Variants in FYN observed in about 807,000 individuals in gnomAD.
The protein encoded by FYN is FYN proto-oncogene, Src family tyrosine kinase, also known as tyrosine-protein kinase Fyn.
FYN carries 10 observed loss-of-function variants against 70.2 expected under a neutral mutation model. That is an observed-to-expected ratio of 0.14 (90% CI 0.09 to 0.24). The LOEUF (loss-of-function observed/expected upper bound fraction) is 0.24. FYN is among the 10% of genes least tolerant of loss of function. FYN has a pLI of 1.00. For missense variants in FYN, 319 were observed against 673.1 expected, an observed-to-expected ratio of 0.47 and a Z score of 5.82; for synonymous variants, 236 against 248.6, an observed-to-expected ratio of 0.95 and a Z score of 0.48.
At chr6:111,812,676 G>A (rs1224178785) in intron 2 of FYN, among the ~76,000 whole-genome samples, 2 of 144,598 alleles carry the variant, frequency 1.4e-5, no homozygotes, top group Non-Finnish European at 3.0e-5. Flanking sequence ...GCTTCCTGAA[G>A]GTCAAAGAGC....
At chr6:111,760,096 C>T (rs1417677110) in intron 3 of FYN, among the ~76,000 whole-genome samples, 1 of 151,958 alleles carries the variant, frequency 6.6e-6, no homozygotes, top group Non-Finnish European at 1.5e-5. Context: ...ATCATCATCA[C>T]GATATGCGTC....
Position 111,700,149 on chromosome 6 carries a change from A to T in FYN, c.817T>A (p.Leu273Met). Reference sequence around the variant, plus strand: ...TGCCCATTTCCCAGTCTCTTGATCAACTGCAGGGATTCTCGAGGGATTTCC... The same window carrying T: ...TGCCCATTTCCCAGTCTCTTGATCATCTGCAGGGATTCTCGAGGGATTTCC... ...VWEIPRESLQ[L>M]IKRLGNGQFG... Residue 273 changes from leucine to methionine, a missense_variant, in exon 9 of 14, where the codon TTG becomes ATG. This residue lies in a region of FYN where 112 missense variants were observed against 250.2 expected (regional missense o/e 0.45). Coordinates refer to ENST00000354650, the MANE Select transcript of FYN (RefSeq NM_002037.5). 1 of 1,613,976 alleles carries T rather than the reference A, an allele frequency of 6.2e-7. No homozygotes were observed. Among genetic ancestry groups the T allele is most frequent in the Non-Finnish European group, 8.5e-7 (1 of 1,179,982 alleles).
intron 2 of FYN, 105 bp downstream of exon 2, chr6:111,846,484 A>G (rs751242150): frequency 5.0e-5 from 20 of 398,464 alleles, no homozygotes; most frequent in Non-Finnish European, 7.5e-5. Context: ...CTATGGACTC[A>G]GAATTACAAT....
At chr6:111,809,932 G>A (rs1340659803) in intron 2 of FYN, among the ~76,000 whole-genome samples, 1 of 152,180 alleles carries the variant, frequency 6.6e-6, no homozygotes. Flanking sequence ...GTAATACTAA[G>A]TACACCTCAT....
At chr6:111,662,781 G>C (rs996834652) in intron 13 of FYN, among the ~76,000 whole-genome samples, 11 of 152,194 alleles carry the variant, frequency 7.2e-5, no homozygotes, top group African/African-American at 2.7e-4. Context: ...CAGCGTGGCT[G>C]GGCACTGTCT....
At chr6:111,686,541 C>T (rs934467979) in intron 12 of FYN, among the ~76,000 whole-genome samples, 18 of 152,030 alleles carry the variant, frequency 1.2e-4, no homozygotes, top group Non-Finnish European at 1.3e-4. Flanking sequence ...ACACACTAGT[C>T]GGTGCTTAAG....
chr6:111,694,345 A>G lies in FYN; in HGVS notation c.1273+30T>C, dbSNP rs772880738. 1.2e-6 allele frequency: 2 copies of G among 1,613,096 alleles called. No homozygotes were observed. Among genetic ancestry groups the G allele is most frequent in the South Asian group, 2.2e-5 (2 of 90,982 alleles). ...GTAAGTGACTGTTCTCACAGCTGTG[A>G]TCACGAGCCATTGTCATTCAAGTGC... On this transcript the variant is annotated intron_variant, in intron 12 of 13. Coordinates refer to ENST00000354650, the MANE Select transcript of FYN (RefSeq NM_002037.5). This position sits in a 1 kb window ranked among gnomAD's most constrained non-coding sequence, Gnocchi z 5.0.
intron 2 of FYN, among the ~76,000 whole-genome samples, chr6:111,790,619 TCTCA>T (rs1390015357): frequency 6.6e-6 from 1 of 152,162 alleles, no homozygotes; most frequent in East Asian, 1.9e-4. Context: ...TTTTGAATTA[TCTCA>T]CTAACATTGC....
intron 2 of FYN, among the ~76,000 whole-genome samples, chr6:111,837,269 A>G (rs898415969): frequency 6.6e-6 from 1 of 152,232 alleles, no homozygotes; most frequent in African/African-American, 2.4e-5. Context: ...TTGTAAAAGA[A>G]AAAAATGTTT....
chr6:111,664,026 T>G (rs1472649475), intron 13 of FYN, among the ~76,000 whole-genome samples: 1 of 152,226 alleles, frequency 6.6e-6, no homozygotes, highest in Non-Finnish European at 1.5e-5. Flanking sequence ...ACTGACCTCA[T>G]CTGGCCACAA....
At chr6:111,684,523 C>T (rs771609758) in intron 12 of FYN, among the ~76,000 whole-genome samples, 5 of 152,050 alleles carry the variant, frequency 3.3e-5, no homozygotes, top group East Asian at 1.9e-4. Flanking sequence ...GTTTTGCAGT[C>T]GGGGAAGGAT....
At position 111,700,281 on chromosome 6, in the gene FYN, G is replaced by A; in HGVS notation, c.698-13C>T. 2 of 1,613,604 alleles carry A rather than the reference G, an allele frequency of 1.2e-6. No homozygotes were observed. Among genetic ancestry groups the A allele is most frequent in the Non-Finnish European group, 1.7e-6 (2 of 1,179,788 alleles). ...CCTGCAGCTCTCTCTGATGGAGCAGGGCAGGGGCAGGAGAGGGAGAGAAGA... is the reference window on the plus strand; with the variant it reads ...CCTGCAGCTCTCTCTGATGGAGCAGAGCAGGGGCAGGAGAGGGAGAGAAGA... On this transcript the variant is annotated splice_polypyrimidine_tract_variant and intron_variant, in intron 8 of 13. Coordinates refer to ENST00000354650, the MANE Select transcript of FYN (RefSeq NM_002037.5).
intron 3 of FYN, among the ~76,000 whole-genome samples, chr6:111,731,403 G>C (rs1426773050): frequency 6.6e-6 from 1 of 152,172 alleles, no homozygotes; most frequent in Non-Finnish European, 1.5e-5. Flanking sequence ...CATTTATCTG[G>C]TTATGAAGTC....
intron 4 of FYN, among the ~76,000 whole-genome samples, chr6:111,715,132 C>T (rs1400571303): frequency 6.6e-6 from 1 of 152,124 alleles, no homozygotes; most frequent in African/African-American, 2.4e-5. Flanking sequence ...CCTATGTCCT[C>T]TCATCTGGCT....
intron 5 of FYN, among the ~76,000 whole-genome samples, chr6:111,713,544 C>A (rs534280429): frequency 9.9e-5 from 15 of 151,918 alleles, no homozygotes; most frequent in African/African-American, 3.4e-4. Context: ...GGAACCCCAC[C>A]CCCCCACACT....
At chr6:111,681,004 A>G (rs965971617) in intron 12 of FYN, among the ~76,000 whole-genome samples, 1 of 150,572 alleles carries the variant, frequency 6.6e-6, no homozygotes, top group Admixed American at 6.6e-5. Flanking sequence ...GTGCACCACC[A>G]TGCCTGGCTA....
At chr6:111,698,210 C>T (rs1196151492) in intron 9 of FYN, among the ~76,000 whole-genome samples, 1 of 152,124 alleles carries the variant, frequency 6.6e-6, no homozygotes, top group Non-Finnish European at 1.5e-5. Context: ...CTCCGCTCAC[C>T]GCAACCTCCA....
intron 1 of FYN, among the ~76,000 whole-genome samples, chr6:111,856,252 C>A (rs1773820105): frequency 1.3e-5 from 2 of 152,168 alleles, no homozygotes; most frequent in African/African-American, 4.8e-5. Context: ...TTGTTCAGAG[C>A]TCACCAGGGA....
At chr6:111,719,494 T>C (rs2128461528) in intron 4 of FYN, among the ~76,000 whole-genome samples, 1 of 152,296 alleles carries the variant, frequency 6.6e-6, no homozygotes, top group South Asian at 2.1e-4. Context: ...AGTTCTTCTG[T>C]GCCAACCAGC....
Sources: gnomAD v4.1 joint callset for allele counts (sites outside exome capture counted in the v4.1 genomes callset) on GRCh38, gnomAD v4.1.1 for gene constraint, gnomAD v4.1.1 regional missense constraint, Gnocchi (gnomAD v3.1) non-coding constraint, MANE v1.5 for transcripts, NCBI Gene and HGNC (gene_info 2026-07-23, HGNC 2026-07-21) for gene names.